EXOC6B: variants seen among roughly 807,000 people sequenced by gnomAD.
EXOC6B encodes exocyst complex component 6B.
A neutral mutation model predicts 113.5 loss-of-function variants in EXOC6B; 54 were observed. The ratio of observed to expected loss-of-function variants is 0.48; its 90% CI spans 0.38 to 0.60. The LOEUF is 0.60. Among genes scored for constraint, EXOC6B ranks in the 20% least tolerant of loss-of-function variants. The pLI, the probability that EXOC6B is intolerant of heterozygous loss-of-function variation, is 0.00. For synonymous variants in EXOC6B, 357 were observed against 339.0 expected, an observed-to-expected ratio of 1.05 and a Z score of -0.58; for missense variants, 797 against 977.5, an observed-to-expected ratio of 0.82 and a Z score of 2.46.
chr2:72,597,577 C>A (rs1384375167), intron 6 of EXOC6B, among the ~76,000 whole-genome samples: 1 of 151,754 alleles, frequency 6.6e-6, no homozygotes, highest in Non-Finnish European at 1.5e-5. Flanking sequence ...AATATAGTAG[C>A]TATTAATCCA....
chr2:72,281,561 AACACT>A, intron 20 of EXOC6B, among the ~76,000 whole-genome samples: 1 of 152,330 alleles, frequency 6.6e-6, no homozygotes, highest in East Asian at 1.9e-4. Flanking sequence ...AGTAAACTGG[AACACT>A]GGTGAGTACA....
intron 1 of EXOC6B, among the ~76,000 whole-genome samples, chr2:72,795,489 T>C (rs1169022428): frequency 6.6e-6 from 1 of 152,060 alleles, no homozygotes; most frequent in Non-Finnish European, 1.5e-5. Flanking sequence ...GGCAGGAGAA[T>C]GGCGTGAACC....
intron 20 of EXOC6B, among the ~76,000 whole-genome samples, chr2:72,232,589 A>T (rs569425930): frequency 6.6e-6 from 1 of 152,324 alleles, no homozygotes; most frequent in East Asian, 1.9e-4. Flanking sequence ...AAAAGTCATT[A>T]AAAATTGTAC....
At chr2:72,431,326 T>A (rs1473852958) in intron 18 of EXOC6B, among the ~76,000 whole-genome samples, 1 of 152,180 alleles carries the variant, frequency 6.6e-6, no homozygotes, top group East Asian at 1.9e-4. Context: ...TTTTATTTTT[T>A]TAGAGATGGG....
chr2:72,470,910 A>G (rs1698366997), intron 17 of EXOC6B, among the ~76,000 whole-genome samples: 1 of 152,178 alleles, frequency 6.6e-6, no homozygotes, highest in Admixed American at 6.5e-5. Flanking sequence ...TATTGTGAAT[A>G]GTGCCGCAAT....
chr2:72,298,771 G>A (rs952542156), intron 20 of EXOC6B, among the ~76,000 whole-genome samples: 14 of 152,114 alleles, frequency 9.2e-5, no homozygotes, highest in Admixed American at 2.6e-4. Context: ...ATGAAATTCC[G>A]GGTTGAAAAT....
intron 6 of EXOC6B, among the ~76,000 whole-genome samples, chr2:72,682,887 T>C (rs1676813033): frequency 6.6e-6 from 1 of 152,216 alleles, no homozygotes; most frequent in South Asian, 2.1e-4. Context: ...ATAATTATTA[T>C]TTCTTTCAAT....
chr2:72,726,591 T>G (rs1368422622), intron 5 of EXOC6B, among the ~76,000 whole-genome samples: 1 of 152,184 alleles, frequency 6.6e-6, no homozygotes, highest in Non-Finnish European at 1.5e-5. Context: ...CTTTAAAAGT[T>G]ACAGCAAAAA....
intron 6 of EXOC6B, among the ~76,000 whole-genome samples, chr2:72,583,485 C>G (rs1441712298): frequency 1.3e-5 from 2 of 152,120 alleles, no homozygotes; most frequent in East Asian, 3.9e-4. Context: ...CAAAAGGATA[C>G]CCATGGGGCT....
At chr2:72,507,273 T>C (rs1700643647) in intron 11 of EXOC6B, among the ~76,000 whole-genome samples, 1 of 152,104 alleles carries the variant, frequency 6.6e-6, no homozygotes, top group South Asian at 2.1e-4. Context: ...ATAAAATAAA[T>C]AGTGTCATGA....
In EXOC6B at chr2:72,777,992, A is replaced by G. The variant is rs572745779; in HGVS notation, c.114-36523T>C. ...TGGTACACTAGAAAATACCTATCTA[A>G]CACAAAATAAGGCAGCAATGGAGAA... On this transcript the variant is annotated intron_variant, in intron 1 of 21. Transcript: ENST00000272427. Among the ~76,000 whole-genome samples the G allele has an allele frequency of 3.9e-5, 6 of 152,332 alleles. No individual in the cohort carries two copies. The East Asian group carries it at 1.2e-3, about 29-fold the overall frequency.
chr2:72,614,880 G>A (rs923438037), intron 6 of EXOC6B, among the ~76,000 whole-genome samples: 1 of 152,098 alleles, frequency 6.6e-6, no homozygotes, highest in Non-Finnish European at 1.5e-5. Flanking sequence ...CTTGAAAAGA[G>A]GAGGGCAGAA....
At chr2:72,803,379 A>C (rs1481659960) in intron 1 of EXOC6B, among the ~76,000 whole-genome samples, 1 of 152,132 alleles carries the variant, frequency 6.6e-6, no homozygotes, top group Non-Finnish European at 1.5e-5. Flanking sequence ...AGTAATAACC[A>C]AATCTCTGGC....
At chr2:72,217,003 G>T (rs4852861) in intron 20 of EXOC6B, among the ~76,000 whole-genome samples, 57,920 of 148,444 alleles carry the variant, frequency 0.39, 13,711 homozygotes, top group African/African-American at 0.67. Flanking sequence ...ATCACACCAC[G>T]GCACTCCATC....
At chr2:72,576,659 A>T (rs1305350995) in intron 6 of EXOC6B, among the ~76,000 whole-genome samples, 14 of 152,128 alleles carry the variant, frequency 9.2e-5, no homozygotes, top group Admixed American at 9.2e-4. Flanking sequence ...AATCAACAGG[A>T]AATACTGCGT....
chr2:72,465,925 T>C (rs1025785030), intron 17 of EXOC6B, among the ~76,000 whole-genome samples: 2 of 152,210 alleles, frequency 1.3e-5, no homozygotes, highest in Non-Finnish European at 1.5e-5. Flanking sequence ...TCACTTTCTT[T>C]GGGTGATTTA....
chr2:72,758,972 T>C (rs1182229367), intron 1 of EXOC6B, among the ~76,000 whole-genome samples: 1 of 152,244 alleles, frequency 6.6e-6, no homozygotes, highest in Admixed American at 6.5e-5. Context: ...ATTGTAGTTT[T>C]ACCCTCTGGA....
At chr2:72,471,102 A>G (rs1205456999) in intron 17 of EXOC6B, among the ~76,000 whole-genome samples, 2 of 151,176 alleles carry the variant, frequency 1.3e-5, no homozygotes, top group Non-Finnish European at 1.5e-5. Flanking sequence ...AAGTGTTCCT[A>G]TTTCTCCACA....
intron 6 of EXOC6B, among the ~76,000 whole-genome samples, chr2:72,658,205 A>G (rs1334619490): frequency 6.7e-6 from 1 of 149,852 alleles, no homozygotes; most frequent in Admixed American, 6.7e-5. Flanking sequence ...TAATTGGAGC[A>G]GACAGAAGAA....
Sources: gnomAD v4.1 joint callset for allele counts (sites outside exome capture counted in the v4.1 genomes callset) on GRCh38, gnomAD v4.1.1 for gene constraint, MANE v1.5 for transcripts, NCBI Gene and HGNC (gene_info 2026-07-23, HGNC 2026-07-21) for gene names.